ST14: variants seen among roughly 807,000 people sequenced by gnomAD.
The protein encoded by ST14 is suppressor of tumorigenicity 14 protein.
A neutral mutation model predicts 96.5 loss-of-function variants in ST14; 40 were observed. That is an observed-to-expected ratio of 0.41 (90% CI 0.32 to 0.54). ST14 has a LOEUF of 0.54. Among genes scored for constraint, ST14 ranks in the 20% least tolerant of loss-of-function variants. The probability of loss-of-function intolerance (pLI) is 0.17; values close to 1 mark genes in which losing one functional copy is unlikely to be tolerated. For missense variants in ST14, 1,066 were observed against 1,188.9 expected (o/e 0.90, Z 1.52); for synonymous variants, 506 against 492.1 (o/e 1.03, Z -0.37).
intron 1 of ST14, among the ~76,000 whole-genome samples, chr11:130,176,544 A>C (rs1354759683): frequency 1.3e-5 from 2 of 151,184 alleles, no homozygotes; most frequent in Non-Finnish European, 3.0e-5. Flanking sequence ...GCCCACCACC[A>C]CACCCAGCTA....
intron 9 of ST14, among the ~76,000 whole-genome samples, chr11:130,195,405 G>A (rs1252031618): frequency 6.6e-6 from 1 of 152,208 alleles, no homozygotes; most frequent in South Asian, 2.1e-4. Flanking sequence ...AGCTCCCTGG[G>A]CCTCAGCTTG....
intron 16 of ST14, among the ~76,000 whole-genome samples, chr11:130,207,664 G>A (rs372460662): frequency 6.6e-6 from 1 of 152,262 alleles, no homozygotes; most frequent in Non-Finnish European, 1.5e-5. Flanking sequence ...GCTCTGCAGT[G>A]CACGTGGAAA....
intron 1 of ST14, among the ~76,000 whole-genome samples, chr11:130,170,808 G>A (rs776797743): frequency 3.9e-5 from 6 of 152,232 alleles, no homozygotes; most frequent in Admixed American, 6.5e-5. Flanking sequence ...CGTCTCTTGG[G>A]CCCAAGAAGT....
chr11:130,188,712 G>A lies in ST14; in HGVS notation c.369+55G>A. The A allele has an allele frequency of 6.2e-7, 1 of 1,613,702 alleles. No homozygotes were observed. Among genetic ancestry groups the A allele is most frequent in the Non-Finnish European group, 8.5e-7 (1 of 1,179,936 alleles). On this transcript the variant is annotated intron_variant, in intron 3 of 18. Coordinates refer to ENST00000278742, the MANE Select transcript of ST14 (RefSeq NM_021978.4). The surrounding 1 kb of genome is among the most constrained non-coding windows in gnomAD (Gnocchi z 5.4). ...GGCTGTGTGCGCTGGTGTCCCACCT[G>A]CTGGGCAGGAGGGACATGCCTCGCC... is the stretch of plus-strand genomic sequence containing the variant.
intron 1 of ST14, among the ~76,000 whole-genome samples, chr11:130,186,190 G>A (rs1953236820): frequency 6.6e-6 from 1 of 152,158 alleles, no homozygotes; most frequent in South Asian, 2.1e-4. Context: ...TGTGAGTGTA[G>A]AATTAAGGTA....
In ST14 at chr11:130,179,217, A is replaced by C. The variant is rs551017409; in HGVS notation, c.82-8897A>C. 3.0e-3 allele frequency among the ~76,000 whole-genome samples: 453 copies of C among 152,228 alleles called. 1 individual carries two copies. The highest frequency in any genetic ancestry group is 0.014 in the South Asian group (68 of 4,822). On this transcript the variant is annotated intron_variant, in intron 1 of 18. Coordinates refer to ENST00000278742, the MANE Select transcript of ST14 (RefSeq NM_021978.4). ...CCTGCTCCTGATGCATGACATCAGC[A>C]CCTCCAGGGAGAGGGGCTTGGGAAT...
Position 130,188,974 on chromosome 11 carries a change from C to G in ST14, c.440+35C>G. 1 of 1,589,104 alleles carries G rather than the reference C, an allele frequency of 6.3e-7. No individual in the cohort carries two copies. On this transcript the variant is annotated intron_variant, in intron 4 of 18. Transcript: ENST00000278742. The surrounding 1 kb of genome is among the most constrained non-coding windows in gnomAD (Gnocchi z 5.4). The stretch of plus-strand genomic sequence containing the variant: ...GAGAGAAGGCTCAGTGGGATGCACC[C>G]CAGACTGGCTGGGAGTAGGATCGGG...
In ST14 at chr11:130,181,719, G is replaced by C. The variant is rs190213153; in HGVS notation, c.82-6395G>C. Among the ~76,000 whole-genome samples the C allele has an allele frequency of 1.0e-3, 155 of 152,270 alleles. No individual in the cohort carries two copies. Among genetic ancestry groups the C allele is most frequent in the African/African-American group, 3.6e-3 (151 of 41,544 alleles). Reference sequence around the variant, plus strand: ...TTATTAACTTTGTGACCTTGGACAGGCCACTCCCTCTCTTTCATCCTCAGT... The same window carrying C: ...TTATTAACTTTGTGACCTTGGACAGCCCACTCCCTCTCTTTCATCCTCAGT... On this transcript the variant is annotated intron_variant, in intron 1 of 18. Coordinates refer to ENST00000278742, the MANE Select transcript of ST14 (RefSeq NM_021978.4). The surrounding 1 kb of genome is among the most constrained non-coding windows in gnomAD (Gnocchi z 4.1).
At position 130,188,789 on chromosome 11, in the gene ST14, C is replaced by T; in HGVS notation, c.370-80C>T. On this transcript the variant is annotated intron_variant, in intron 3 of 18. Coordinates refer to ENST00000278742, the MANE Select transcript of ST14 (RefSeq NM_021978.4). The surrounding 1 kb of genome is among the most constrained non-coding windows in gnomAD (Gnocchi z 5.4). Reference sequence around the variant, plus strand: ...GTGATCTGCAAAGGGGACCCGGGCCCTGGAGGGGAGGGAGCAGCCCGGGCT... The same window carrying T: ...GTGATCTGCAAAGGGGACCCGGGCCTTGGAGGGGAGGGAGCAGCCCGGGCT... The T allele has an allele frequency of 6.2e-7, 1 of 1,604,914 alleles. No homozygotes were observed.
At chr11:130,180,298 G>A (rs1475554090) in intron 1 of ST14, among the ~76,000 whole-genome samples, 1 of 152,180 alleles carries the variant, frequency 6.6e-6, no homozygotes, top group Non-Finnish European at 1.5e-5. Flanking sequence ...TCCCTCCCCA[G>A]GATTCCAAGG....
intron 4 of ST14, 108 bp from the exon 5 acceptor site, chr11:130,189,631 G>A (rs747537096): frequency 6.9e-7 from 1 of 1,442,562 alleles, no homozygotes; most frequent in Non-Finnish European, 9.5e-7. Flanking sequence ...TCTGCAGATG[G>A]CAGGCCCAGG....
chr11:130,161,437 C>T (rs1322419826), intron 1 of ST14, among the ~76,000 whole-genome samples: 3 of 152,224 alleles, frequency 2.0e-5, no homozygotes, highest in Non-Finnish European at 2.9e-5. Context: ...GGTGCCCCCA[C>T]CCCAAGTTTG....
At chr11:130,192,250 C>T (rs1281385026) in intron 7 of ST14, among the ~76,000 whole-genome samples, 24 of 152,320 alleles carry the variant, frequency 1.6e-4, no homozygotes, top group Non-Finnish European at 1.5e-5. Flanking sequence ...GCCACAGCTT[C>T]GTAACCAGGA....
At chr11:130,191,428 G>A (rs1048605734) in intron 7 of ST14, among the ~76,000 whole-genome samples, 17 of 152,154 alleles carry the variant, frequency 1.1e-4, no homozygotes, top group Non-Finnish European at 2.2e-4. Flanking sequence ...GGTGGCTCAC[G>A]CCTGTAAGCC....
intron 1 of ST14, among the ~76,000 whole-genome samples, chr11:130,177,907 T>A (rs1953156282): frequency 6.6e-6 from 1 of 152,240 alleles, no homozygotes; most frequent in Admixed American, 6.5e-5. Flanking sequence ...TCATGAGCGG[T>A]GCGAGGTCCT....
At chr11:130,194,571 G>C (rs1270179528) in intron 8 of ST14, 69 bp from the exon 9 acceptor site, 2 of 1,519,544 alleles carry the variant, frequency 1.3e-6, no homozygotes, top group Non-Finnish European at 9.1e-7. Flanking sequence ...TCAGGCTGCA[G>C]AGCCCTCGTC....
Position 130,189,437 on chromosome 11 carries a change from T to C in ST14, c.441-302T>C, listed in dbSNP as rs896074628. 3 of 508,686 alleles carry C rather than the reference T, an allele frequency of 5.9e-6. No individual in the cohort carries two copies. In the East Asian group the frequency reaches 1.1e-4, roughly 18 times the overall value. The allele number at this position is 508,686 out of a possible 1,614,324, so 31.5% of individuals were successfully genotyped here. On this transcript the variant is annotated intron_variant, in intron 4 of 18. Coordinates refer to ENST00000278742, the MANE Select transcript of ST14 (RefSeq NM_021978.4). Reference sequence around the variant, plus strand: ...AGGTCAGAAAACAGGCTCAGGAAGGTGACACTCGGTGTGTCCTCGCTTGTG... The same window carrying C: ...AGGTCAGAAAACAGGCTCAGGAAGGCGACACTCGGTGTGTCCTCGCTTGTG...
chr11:130,186,431 G>T (rs1214957042), intron 1 of ST14, among the ~76,000 whole-genome samples: 1 of 152,206 alleles, frequency 6.6e-6, no homozygotes, highest in East Asian at 1.9e-4. Context: ...CAACTGCTAT[G>T]AGAAAGGACA....
intron 1 of ST14, among the ~76,000 whole-genome samples, chr11:130,177,305 C>A (rs1051447217): frequency 6.6e-6 from 1 of 151,954 alleles, no homozygotes; most frequent in Non-Finnish European, 1.5e-5. Context: ...TGGCTCACGC[C>A]TGTAATCCCA....
Sources: allele counts gnomAD v4.1 joint callset (sites outside exome capture counted in the v4.1 genomes callset), GRCh38; gene constraint gnomAD v4.1.1; non-coding constraint Gnocchi (gnomAD v3.1); transcripts MANE v1.5; gene names NCBI Gene and HGNC (gene_info 2026-07-23, HGNC 2026-07-21).